The following CYP7B1 variants were observed in gnomAD, a reference collection of about 807,000 sequenced individuals.
CYP7B1 encodes the protein cytochrome P450 family 7 subfamily B member 1, also known as cytochrome P450 7B1.
Under a neutral mutation model 42.7 loss-of-function variants are expected in CYP7B1, and 29 were observed. The observed-to-expected ratio is 0.68, with a 90% CI of 0.51 to 0.93. The LOEUF is 0.93. Ranked by LOEUF, CYP7B1 falls within the 40% of genes least tolerant of loss-of-function variation. The pLI is 0.00. For synonymous variants in CYP7B1, 235 were observed against 218.2 expected (o/e 1.08, Z -0.68); for missense variants, 655 against 600.5 (o/e 1.09, Z -0.95).
chr8:64,730,355 C>T (rs1181797373), intron 1 of CYP7B1, among the ~76,000 whole-genome samples: 2 of 152,124 alleles, frequency 1.3e-5, no homozygotes, highest in South Asian at 2.1e-4. Context: ...CAGGCATGAG[C>T]CACTGTGCCC....
chr8:64,697,725 G>A (rs1806850716), intron 1 of CYP7B1, among the ~76,000 whole-genome samples: 1 of 152,166 alleles, frequency 6.6e-6, no homozygotes, highest in Non-Finnish European at 1.5e-5. Flanking sequence ...CAGAGACTAT[G>A]TAGCATCCCC....
chr8:64,792,004 C>T (rs985130519), intron 1 of CYP7B1, among the ~76,000 whole-genome samples: 2 of 152,012 alleles, frequency 1.3e-5, no homozygotes, highest in African/African-American at 4.8e-5. Context: ...CAAAAATAAA[C>T]AGTAGAAATA....
intron 1 of CYP7B1, among the ~76,000 whole-genome samples, chr8:64,719,742 C>T (rs1006029185): frequency 1.3e-5 from 2 of 152,114 alleles, no homozygotes; most frequent in Admixed American, 1.3e-4. Flanking sequence ...GGGACAGCCT[C>T]GATTAAAGAA....
At chr8:64,601,375 T>A (rs899909436) in intron 5 of CYP7B1, among the ~76,000 whole-genome samples, 19 of 152,196 alleles carry the variant, frequency 1.2e-4, no homozygotes, top group Non-Finnish European at 2.5e-4. Context: ...TGTCTGACGT[T>A]TTTTCCCTAT....
At chr8:64,778,431 G>A (rs1804363313) in intron 1 of CYP7B1, among the ~76,000 whole-genome samples, 1 of 152,020 alleles carries the variant, frequency 6.6e-6, no homozygotes, top group Middle Eastern at 3.4e-3. Flanking sequence ...AGACCTGAAA[G>A]CAACAAGAGA....
At chr8:64,718,469 G>C (rs1445402271) in intron 1 of CYP7B1, among the ~76,000 whole-genome samples, 1 of 152,200 alleles carries the variant, frequency 6.6e-6, no homozygotes, top group African/African-American at 2.4e-5. Flanking sequence ...AAGGAATCCA[G>C]CACCCAAGGG....
intron 1 of CYP7B1, among the ~76,000 whole-genome samples, chr8:64,733,746 G>A (rs1807447287): frequency 6.6e-6 from 1 of 152,106 alleles, no homozygotes; most frequent in South Asian, 2.1e-4. Flanking sequence ...TGAGGCAGGG[G>A]GATCACTTGA....
At chr8:64,692,144 T>G (rs1806755720) in intron 1 of CYP7B1, among the ~76,000 whole-genome samples, 1 of 152,224 alleles carries the variant, frequency 6.6e-6, no homozygotes. Context: ...TGTCGATTGC[T>G]CTGATTCTAT....
At chr8:64,643,989 T>C (rs1326627991) in intron 1 of CYP7B1, among the ~76,000 whole-genome samples, 1 of 152,172 alleles carries the variant, frequency 6.6e-6, no homozygotes, top group Non-Finnish European at 1.5e-5. Context: ...CCTATAAGAA[T>C]GGCGGCCAGG....
At chr8:64,752,794 A>G (rs889139312) in intron 1 of CYP7B1, among the ~76,000 whole-genome samples, 5 of 152,322 alleles carry the variant, frequency 3.3e-5, no homozygotes, top group Admixed American at 3.3e-4. Context: ...TTCTCTTGCA[A>G]TTCATAAAGA....
chr8:64,610,501 C>A (rs531585665), intron 4 of CYP7B1, among the ~76,000 whole-genome samples: 55 of 152,200 alleles, frequency 3.6e-4, no homozygotes, highest in Middle Eastern at 3.4e-3. Flanking sequence ...TTTGAACGAG[C>A]TTTTTCAAAA....
intron 1 of CYP7B1, among the ~76,000 whole-genome samples, chr8:64,644,287 A>C (rs1036455164): frequency 7.2e-5 from 11 of 151,780 alleles, no homozygotes; most frequent in Non-Finnish European, 1.6e-4. Context: ...AAAAAAAAAA[A>C]GAATGGCTAT....
At position 64,604,769 on chromosome 8, in the gene CYP7B1, G is replaced by T; in HGVS notation, c.1146C>A (p.Thr382=). 2 of 1,614,082 alleles carry T rather than the reference G, an allele frequency of 1.2e-6. No individual in the cohort carries two copies. The highest frequency in any genetic ancestry group is 8.5e-7 in the Non-Finnish European group (1 of 1,180,008). Residue 382 remains threonine, a synonymous_variant, in exon 5 of 6, where the codon ACC becomes ACA. Transcript: ENST00000310193. ...CTCCCTTTCGCACACAGTAGTCCCC[G>T]GTCTCTGAACTGAGAGTCAAATCCT... The part of the protein sequence containing the change: ...VEEDLTLSSE[T]GDYCVRKGDL...
intron 1 of CYP7B1, among the ~76,000 whole-genome samples, chr8:64,767,224 C>G (rs1804106851): frequency 6.6e-6 from 1 of 152,212 alleles, no homozygotes; most frequent in Non-Finnish European, 1.5e-5. Flanking sequence ...TTCCTAACTT[C>G]CGAGGGAACA....
rs570162640 is a variant in CYP7B1 at position 64,703,659 on chromosome 8, T to C, written c.123-79120A>G. 8 of 152,154 alleles carry C rather than the reference T, an allele frequency of 5.3e-5. No homozygotes were observed. In the East Asian group the frequency reaches 1.5e-3, roughly 29 times the overall value. The allele number at this position is 152,154 out of a possible 1,614,324, so 9.4% of individuals were successfully genotyped here. On this transcript the variant is annotated intron_variant, in intron 1 of 5. Transcript: ENST00000310193. ...TCATTCAGAAAGGGAGGAGAATATA[T>C]GAATATTTAGAAAACAAACTGACAC... is the stretch of plus-strand genomic sequence containing the variant.
In CYP7B1 at chr8:64,787,355, T is replaced by C. The variant is rs531701812; in HGVS notation, c.122+11111A>G. Among the ~76,000 whole-genome samples the C allele has an allele frequency of 2.0e-5, 3 of 152,326 alleles. No homozygotes were observed. The Middle Eastern group carries it at 0.01, about 518-fold the overall frequency. ...CTTCCACCAGATACCCTAGATCATC[T>C]CTTCCAAGTTCAAAGTTCCACAGAT... On this transcript the variant is annotated intron_variant, in intron 1 of 5. Transcript: ENST00000310193.
At chr8:64,647,378 G>A (rs1250189032) in intron 1 of CYP7B1, among the ~76,000 whole-genome samples, 3 of 151,966 alleles carry the variant, frequency 2.0e-5, no homozygotes, top group Non-Finnish European at 2.9e-5. Context: ...TGAGCACATG[G>A]TGTTGCAAAA....
intron 5 of CYP7B1, among the ~76,000 whole-genome samples, chr8:64,603,983 C>T (rs1805238617): frequency 6.6e-6 from 1 of 152,150 alleles, no homozygotes; most frequent in Non-Finnish European, 1.5e-5. Flanking sequence ...GAAACACAGG[C>T]AGAATAGGAC....
chr8:64,690,119 C>A (rs1403900695), intron 1 of CYP7B1, among the ~76,000 whole-genome samples: 2 of 152,130 alleles, frequency 1.3e-5, no homozygotes, highest in African/African-American at 4.8e-5. Context: ...GATCGGGGGC[C>A]AAGCACGGTG....
Sources: allele counts gnomAD v4.1 joint callset (sites outside exome capture counted in the v4.1 genomes callset), GRCh38; gene constraint gnomAD v4.1.1; transcripts MANE v1.5; gene names NCBI Gene and HGNC (gene_info 2026-07-23, HGNC 2026-07-21).